GPC6: variants seen among roughly 807,000 people sequenced by gnomAD.
GPC6 encodes the protein glypican-6.
GPC6 carries 14 observed loss-of-function variants against 55.2 expected under a neutral mutation model. The ratio of observed to expected loss-of-function variants is 0.25; its 90% CI spans 0.17 to 0.40. The LOEUF (loss-of-function observed/expected upper bound fraction) is 0.40. Among genes scored for constraint, GPC6 ranks in the 10% least tolerant of loss-of-function variants. The probability of loss-of-function intolerance (pLI) is 1.00; values close to 1 mark genes in which losing one functional copy is unlikely to be tolerated. For synonymous variants in GPC6, 278 were observed against 259.6 expected (o/e 1.07, Z -0.68); for missense variants, 641 against 708.5 (o/e 0.90, Z 1.08).
chr13:93,388,801 C>T (rs117608046), intron 1 of GPC6, among the ~76,000 whole-genome samples: 90 of 152,294 alleles, frequency 5.9e-4, no homozygotes, highest in Non-Finnish European at 9.8e-4. Flanking sequence ...AGAATGTAAG[C>T]TCCCTCAGGC....
chr13:94,111,006 T>G (rs571980529), intron 4 of GPC6, among the ~76,000 whole-genome samples: 2 of 152,282 alleles, frequency 1.3e-5, no homozygotes, highest in Non-Finnish European at 2.9e-5. Context: ...ACTTCTCCAA[T>G]GCTTGTTGTG....
intron 3 of GPC6, among the ~76,000 whole-genome samples, chr13:93,837,084 T>G (rs1442083839): frequency 6.6e-6 from 1 of 152,204 alleles, no homozygotes; most frequent in Non-Finnish European, 1.5e-5. Context: ...TATGGAAGAT[T>G]GTTAAGAAGA....
At chr13:94,315,468 G>A (rs1197606222) in intron 6 of GPC6, among the ~76,000 whole-genome samples, 1 of 152,212 alleles carries the variant, frequency 6.6e-6, no homozygotes, top group African/African-American at 2.4e-5. Flanking sequence ...CAGGGGAAAT[G>A]GAGAATGTGG....
chr13:93,313,301 T>C (rs1218408406), intron 1 of GPC6, among the ~76,000 whole-genome samples: 2 of 149,190 alleles, frequency 1.3e-5, no homozygotes, highest in East Asian at 3.9e-4. Flanking sequence ...ATTTTTTTTT[T>C]CCTTGGATAA....
At chr13:93,315,182 CT>C (rs1396893118) in intron 1 of GPC6, among the ~76,000 whole-genome samples, 2 of 151,834 alleles carry the variant, frequency 1.3e-5, no homozygotes, top group Non-Finnish European at 2.9e-5. Context: ...ACATTACATC[CT>C]TTTAAAACAT....
At chr13:93,225,527 T>C (rs1370219420), upstream of GPC6, among the ~76,000 whole-genome samples, 1 of 152,058 alleles carries the variant, frequency 6.6e-6, no homozygotes, top group Admixed American at 6.5e-5. Flanking sequence ...TTTTTTGGTT[T>C]TGTTTTGTCT....
At chr13:93,610,411 T>C (rs1007552124) in intron 2 of GPC6, among the ~76,000 whole-genome samples, 1 of 152,198 alleles carries the variant, frequency 6.6e-6, no homozygotes, top group Non-Finnish European at 1.5e-5. Context: ...CATGAATTCA[T>C]TTATTCAAGG....
intron 1 of GPC6, among the ~76,000 whole-genome samples, chr13:93,356,529 T>G (rs570047617): frequency 1.1e-3 from 165 of 152,288 alleles, no homozygotes; most frequent in African/African-American, 3.7e-3. Flanking sequence ...GCCTTGAAGA[T>G]CATTGCCTGA....
intron 2 of GPC6, among the ~76,000 whole-genome samples, chr13:93,697,373 A>C (rs1175691897): frequency 2.0e-5 from 3 of 152,134 alleles, no homozygotes; most frequent in Non-Finnish European, 4.4e-5. Flanking sequence ...ATCCCTTCAT[A>C]AAATAGCCAT....
At chr13:94,248,467 A>G (rs1891259641) in intron 4 of GPC6, among the ~76,000 whole-genome samples, 1 of 152,170 alleles carries the variant, frequency 6.6e-6, no homozygotes. Flanking sequence ...TTTTCCCTGT[A>G]TAATATGGCC....
In GPC6 at chr13:94,343,315, T is replaced by C. The variant is rs7318763; in HGVS notation, c.1152+37192T>C. Among the ~76,000 whole-genome samples the C allele has an allele frequency of 5.5e-3, 845 of 152,296 alleles. 5 individuals carry two copies. The highest frequency in any genetic ancestry group is 0.019 in the African/African-American group (810 of 41,550). Reference sequence around the variant, plus strand: ...TGCATCATAAGTGACACCGGCTACATGGATTCCTTCACAGCCATCTCTAAT... The same window carrying C: ...TGCATCATAAGTGACACCGGCTACACGGATTCCTTCACAGCCATCTCTAAT... On this transcript the variant is annotated intron_variant, in intron 6 of 8. Coordinates refer to ENST00000377047, the MANE Select transcript of GPC6 (RefSeq NM_005708.5).
chr13:93,807,277 C>G (rs925321964), intron 2 of GPC6, among the ~76,000 whole-genome samples: 3 of 152,028 alleles, frequency 2.0e-5, no homozygotes, highest in Non-Finnish European at 4.4e-5. Flanking sequence ...CAGGTGTTCT[C>G]CACTAATGAA....
intron 1 of GPC6, among the ~76,000 whole-genome samples, chr13:93,485,728 T>C (rs1174839530): frequency 6.6e-6 from 1 of 152,070 alleles, no homozygotes; most frequent in Non-Finnish European, 1.5e-5. Flanking sequence ...GGCGGTTTGA[T>C]GGGGTTCAGG....
intron 2 of GPC6, among the ~76,000 whole-genome samples, chr13:93,726,054 T>C (rs11840833): frequency 0.16 from 23,400 of 150,362 alleles, 3,292 homozygotes; most frequent in African/African-American, 0.35. Context: ...ATTCACTTCA[T>C]GGAGGACAAC....
intron 7 of GPC6, among the ~76,000 whole-genome samples, chr13:94,392,383 A>G (rs1880685200): frequency 6.7e-6 from 1 of 149,960 alleles, no homozygotes; most frequent in African/African-American, 2.4e-5. Flanking sequence ...GTATATATGC[A>G]ATTGCTGGAT....
At chr13:93,384,886 G>C (rs182050091) in intron 1 of GPC6, among the ~76,000 whole-genome samples, 1 of 152,130 alleles carries the variant, frequency 6.6e-6, no homozygotes, top group African/African-American at 2.4e-5. Context: ...ATACAAAAAC[G>C]CATCTTCTGA....
At chr13:93,730,567 T>A (rs1295628585) in intron 2 of GPC6, among the ~76,000 whole-genome samples, 1 of 152,152 alleles carries the variant, frequency 6.6e-6, no homozygotes, top group Admixed American at 6.5e-5. Flanking sequence ...TTATAACTAA[T>A]TGGCCTAGAC....
intron 1 of GPC6, among the ~76,000 whole-genome samples, chr13:93,528,261 C>T (rs1447910408): frequency 6.6e-6 from 1 of 152,166 alleles, no homozygotes; most frequent in African/African-American, 2.4e-5. Context: ...TTGTATATCA[C>T]CCCAGACTCA....
chr13:93,325,567 G>A (rs967421391), intron 1 of GPC6, among the ~76,000 whole-genome samples: 2 of 152,002 alleles, frequency 1.3e-5, no homozygotes, highest in Non-Finnish European at 1.5e-5. Flanking sequence ...TTAGGCTATG[G>A]GAGACCTTAA....
Sources: gnomAD v4.1 joint callset for allele counts (sites outside exome capture counted in the v4.1 genomes callset) on GRCh38, gnomAD v4.1.1 for gene constraint, MANE v1.5 for transcripts, NCBI Gene and HGNC (gene_info 2026-07-23, HGNC 2026-07-21) for gene names.